Variants in MYRFL observed in about 807,000 individuals in gnomAD.
The protein encoded by MYRFL is myelin regulatory factor-like protein.
Under a neutral mutation model 109.4 loss-of-function variants are expected in MYRFL, and 88 were observed. The observed-to-expected ratio is 0.80, with a 90% CI of 0.68 to 0.96. The LOEUF is 0.96. Ranked by LOEUF, MYRFL falls within the 40% of genes least tolerant of loss-of-function variation. MYRFL has a pLI of 0.00. For missense variants in MYRFL, 957 were observed against 954.9 expected, an observed-to-expected ratio of 1.00 and a Z score of -0.03; for synonymous variants, 324 against 320.9, an observed-to-expected ratio of 1.01 and a Z score of -0.10.
chr12:69,902,942 C>A (rs566098964), intron 10 of MYRFL, among the ~76,000 whole-genome samples: 3 of 152,212 alleles, frequency 2.0e-5, no homozygotes, highest in African/African-American at 7.2e-5. Flanking sequence ...ACTTGTAGTT[C>A]CAGCTCCAGA....
chr12:69,910,705 C>A, intron 12 of MYRFL, 116 bp from the exon 13 acceptor site: 1 of 633,268 alleles, frequency 1.6e-6, no homozygotes, highest in Non-Finnish European at 2.5e-6. Flanking sequence ...TGGTTCTTGG[C>A]TCAAAATTCC....
At position 69,835,953 on chromosome 12, in the gene MYRFL, A is replaced by G. The variant is rs879661971; in HGVS notation, c.46+10390A>G. Among the ~76,000 whole-genome samples the G allele has an allele frequency of 5.9e-5, 9 of 152,142 alleles. No individual in the cohort carries two copies. In the South Asian group the frequency reaches 8.3e-4, roughly 14 times the overall value. ...CTATAGGCTTGTGTTAACCACCTCAACTAGACCCTCTACCTTGTCGCAAGG... is the reference window on the plus strand; with the variant it reads ...CTATAGGCTTGTGTTAACCACCTCAGCTAGACCCTCTACCTTGTCGCAAGG... On this transcript the variant is annotated intron_variant, in intron 1 of 24. Transcript: ENST00000552032.
intron 2 of MYRFL, among the ~76,000 whole-genome samples, chr12:69,867,164 C>T (rs1431741742): frequency 1.3e-5 from 2 of 152,314 alleles, no homozygotes; most frequent in Admixed American, 6.5e-5. Context: ...GAGGTCCTCT[C>T]TGATTTCCTA....
intron 2 of MYRFL, among the ~76,000 whole-genome samples, chr12:69,860,844 C>T (rs1008590221): frequency 6.9e-6 from 1 of 145,836 alleles, no homozygotes; most frequent in African/African-American, 2.5e-5. Context: ...CCCCCATTAA[C>T]TCATCATTTA....
chr12:69,954,572 ATTTCC>A (rs1956054911), intron 21 of MYRFL, among the ~76,000 whole-genome samples: 1 of 152,156 alleles, frequency 6.6e-6, no homozygotes, highest in Non-Finnish European at 1.5e-5. Context: ...AGATCTTTCC[ATTTCC>A]TTTACTTTTG....
At chr12:69,917,626 T>TTGCCATTCTCTTTCC (rs1386211849) in intron 13 of MYRFL, among the ~76,000 whole-genome samples, 15 of 152,146 alleles carry the variant, frequency 9.9e-5, no homozygotes, top group African/African-American at 3.6e-4. Flanking sequence ...TCACATTGTA[T>TTGCCATTCTCTTTCC]TGCCATTCTC....
chr12:69,842,782 G>C (rs1883319821), intron 1 of MYRFL, among the ~76,000 whole-genome samples: 1 of 152,234 alleles, frequency 6.6e-6, no homozygotes, highest in African/African-American at 2.4e-5. Flanking sequence ...AGCCCTCTCA[G>C]GTGTCACTGA....
chr12:69,953,198 A>G (rs1305017809), intron 21 of MYRFL, among the ~76,000 whole-genome samples: 1 of 152,234 alleles, frequency 6.6e-6, no homozygotes, highest in Non-Finnish European at 1.5e-5. Context: ...CAGAGCTGCC[A>G]GTTAATTTTA....
intron 11 of MYRFL, 97 bp from the exon 12 acceptor site, chr12:69,909,872 C>A (rs917682859): frequency 1.3e-5 from 11 of 858,216 alleles, no homozygotes; most frequent in Middle Eastern, 2.4e-4. Flanking sequence ...GCAAAATGTC[C>A]AAAAGCAATT....
Position 69,911,775 on chromosome 12 carries a change from A to G in MYRFL, c.1602+845A>G, listed in dbSNP as rs540091258. On this transcript the variant is annotated intron_variant, in intron 13 of 24. Coordinates refer to ENST00000552032, the MANE Select transcript of MYRFL (RefSeq NM_182530.3). ...ATATTTGATGCTGAGAGGAAAGACC[A>G]ATTGATATAAGGGTTTTGTAGTCAT... 8.5e-5 allele frequency among the ~76,000 whole-genome samples: 13 copies of G among 152,340 alleles called. No homozygotes were observed. The East Asian group carries it at 2.5e-3, about 29-fold the overall frequency.
chr12:69,952,737 A>G, intron 20 of MYRFL, 62 bp from the exon 21 acceptor site: 1 of 1,193,660 alleles, frequency 8.4e-7, no homozygotes, highest in Non-Finnish European at 1.2e-6. Context: ...TGTGGCTGGA[A>G]TACAATATTC....
In MYRFL at chr12:69,927,586, A is replaced by G. The variant is rs1955136867; in HGVS notation, c.1767-99A>G. 4.6e-6 allele frequency: 4 copies of G among 873,058 alleles called. No homozygotes were observed. In the South Asian group the frequency reaches 5.1e-5, roughly 11 times the overall value. 54.1% of individuals were successfully genotyped at this position (873,058 alleles called of 1,614,324 possible). On this transcript the variant is annotated intron_variant, in intron 14 of 24. Transcript: ENST00000552032. ...TTTTCAAAATATCACTGTATTGCAAAAGAAAGTCATATTGCTATGTTAGTG... is the reference window on the plus strand; with the variant it reads ...TTTTCAAAATATCACTGTATTGCAAGAGAAAGTCATATTGCTATGTTAGTG...
At chr12:69,950,466 G>A (rs1001927098) in intron 19 of MYRFL, among the ~76,000 whole-genome samples, 1 of 152,094 alleles carries the variant, frequency 6.6e-6, no homozygotes, top group Non-Finnish European at 1.5e-5. Context: ...CTCCTTGCTA[G>A]TGTCCAAATG....
Position 69,936,105 on chromosome 12 carries a change from T to TAAAG in MYRFL, c.1917-8_1917-7insAAAG. 3.8e-6 allele frequency: 5 copies of TAAAG among 1,327,156 alleles called. No individual in the cohort carries two copies. The highest frequency in any genetic ancestry group is 1.6e-5 in the African/African-American group (1 of 61,242). The allele number at this position is 1,327,156 out of a possible 1,614,324, so 82.2% of individuals were successfully genotyped here. A position where few individuals can be genotyped will look rare whatever the true frequency, so the allele number is the denominator to read the frequency against. The stretch of plus-strand genomic sequence containing the variant: ...TTTTTTTTTTTTTTTTTTTTTTTTT[T>TAAAG]TTGACAGTGCTTTGACGATAGTTGC... On this transcript the variant is annotated splice_region_variant and splice_polypyrimidine_tract_variant and intron_variant, in intron 16 of 24. Transcript: ENST00000552032.
At chr12:69,836,412 C>T (rs1288600650) in intron 1 of MYRFL, among the ~76,000 whole-genome samples, 1 of 152,186 alleles carries the variant, frequency 6.6e-6, no homozygotes, top group Non-Finnish European at 1.5e-5. Context: ...CTAGGGAACA[C>T]ACCCTCCTCT....
Position 69,878,993 on chromosome 12 carries a change from G to A in MYRFL, c.138-35G>A. On this transcript the variant is annotated intron_variant, in intron 2 of 24. Coordinates refer to ENST00000552032, the MANE Select transcript of MYRFL (RefSeq NM_182530.3). ...TGACAAAACTATAATGGACTAGAGT[G>A]AAACAAAAACGCAATGTATGTCTCT... 3 of 702,822 alleles carry A rather than the reference G, an allele frequency of 4.3e-6. No homozygotes were observed. In the South Asian group the frequency reaches 4.4e-5, roughly 10 times the overall value. 43.5% of individuals were successfully genotyped at this position (702,822 alleles called of 1,614,324 possible).
At chr12:69,866,647 T>G (rs550973310) in intron 2 of MYRFL, among the ~76,000 whole-genome samples, 58 of 152,300 alleles carry the variant, frequency 3.8e-4, no homozygotes, top group African/African-American at 1.3e-3. Flanking sequence ...CTTCTAAAGA[T>G]ATCAGTGTCA....
At chr12:69,932,255 A>G (rs913317357) in intron 15 of MYRFL, among the ~76,000 whole-genome samples, 2 of 152,220 alleles carry the variant, frequency 1.3e-5, no homozygotes, top group African/African-American at 4.8e-5. Flanking sequence ...AATGGCAAAG[A>G]TCATTGTCTG....
At chr12:69,834,658 A>G (rs575124074) in intron 1 of MYRFL, among the ~76,000 whole-genome samples, 1 of 152,348 alleles carries the variant, frequency 6.6e-6, no homozygotes, top group East Asian at 1.9e-4. Context: ...TGAAACAAGA[A>G]CAAGTACAGC....
Sources: gnomAD v4.1 joint callset for allele counts (sites outside exome capture counted in the v4.1 genomes callset) on GRCh38, gnomAD v4.1.1 for gene constraint, MANE v1.5 for transcripts, NCBI Gene and HGNC (gene_info 2026-07-23, HGNC 2026-07-21) for gene names.